Variants in ACAD11 observed in about 807,000 individuals in gnomAD.
ACAD11 encodes acyl-Coenzyme A dehydrogenase family, member 11.
In ACAD11, 83 loss-of-function variants were observed where a neutral mutation model predicts 102.2. The ratio of observed to expected loss-of-function variants is 0.81; its 90% CI spans 0.68 to 0.97. ACAD11 has a LOEUF of 0.97. Ranked by LOEUF, ACAD11 falls within the 50% of genes least tolerant of loss-of-function variation. The pLI is 0.00. For synonymous variants in ACAD11, 324 were observed against 319.8 expected, an observed-to-expected ratio of 1.01 and a Z score of -0.14; for missense variants, 901 against 951.7, an observed-to-expected ratio of 0.95 and a Z score of 0.70.
intron 17 of ACAD11, among the ~76,000 whole-genome samples, chr3:132,564,042 T>C (rs1473615314): frequency 6.6e-6 from 1 of 152,244 alleles, no homozygotes; most frequent in African/African-American, 2.4e-5. Context: ...ATTTTTTTAA[T>C]GTTCATGCAG....
intron 1 of ACAD11, among the ~76,000 whole-genome samples, chr3:132,652,934 C>T (rs1001122): frequency 0.41 from 62,200 of 151,884 alleles, 15,677 homozygotes; most frequent in East Asian, 0.71. Flanking sequence ...TTAAGGTCCA[C>T]CTCAGGTACT....
At chr3:132,565,161 G>A (rs1034396728) in intron 17 of ACAD11, among the ~76,000 whole-genome samples, 1 of 152,178 alleles carries the variant, frequency 6.6e-6, no homozygotes, top group Non-Finnish European at 1.5e-5. Flanking sequence ...ACCAGCAAAG[G>A]CAGGATGGGG....
chr3:132,648,916 A>G (rs1238299397), intron 1 of ACAD11: 1 of 152,290 alleles, frequency 6.6e-6, no homozygotes, highest in African/African-American at 2.4e-5. Flanking sequence ...TTAATCTGTA[A>G]CTTTGCCCCA....
chr3:132,624,859 T>C (rs573724608), intron 9 of ACAD11, among the ~76,000 whole-genome samples: 18 of 151,928 alleles, frequency 1.2e-4, no homozygotes, highest in Admixed American at 1.2e-3. Context: ...AATTTTTGTA[T>C]TTTTAGTAGA....
chr3:132,575,684 A>G, intron 17 of ACAD11, 88 bp downstream of exon 17: 2 of 1,505,992 alleles, frequency 1.3e-6, no homozygotes, highest in South Asian at 1.2e-5. Context: ...TCATGTAGAG[A>G]AAGTCTGTCT....
chr3:132,630,749 A>C (rs909439790), intron 6 of ACAD11, among the ~76,000 whole-genome samples, 191 bp from the exon 7 acceptor site: 5 of 152,212 alleles, frequency 3.3e-5, no homozygotes, highest in African/African-American at 1.2e-4. Context: ...TAAATTACTA[A>C]AAGTGGCATG....
At chr3:132,636,918 G>A (rs1940296334) in intron 5 of ACAD11, among the ~76,000 whole-genome samples, 1 of 152,084 alleles carries the variant, frequency 6.6e-6, no homozygotes, top group Non-Finnish European at 1.5e-5. Context: ...CTGAGAGTGG[G>A]AACCGAGATG....
intron 11 of ACAD11, among the ~76,000 whole-genome samples, chr3:132,610,161 C>G (rs370118835): frequency 1.8e-4 from 28 of 152,156 alleles, no homozygotes; most frequent in African/African-American, 2.9e-4. Context: ...AAACCCACAG[C>G]CAATATCATA....
At chr3:132,599,323 T>A (rs185825289) in intron 13 of ACAD11, among the ~76,000 whole-genome samples, 1 of 151,862 alleles carries the variant, frequency 6.6e-6, no homozygotes, top group Admixed American at 6.6e-5. Flanking sequence ...CTGGCCAACA[T>A]AGTGAAACCC....
intron 11 of ACAD11, among the ~76,000 whole-genome samples, chr3:132,607,426 A>G (rs1315841108): frequency 6.6e-6 from 1 of 152,318 alleles, no homozygotes; most frequent in East Asian, 1.9e-4. Flanking sequence ...AGAGAAGACC[A>G]TAAATGACCT....
chr3:132,648,943 A>T (rs1255832415), intron 1 of ACAD11, among the ~76,000 whole-genome samples: 1 of 152,246 alleles, frequency 6.6e-6, no homozygotes, highest in Admixed American at 6.5e-5. Flanking sequence ...AGCTCACAGA[A>T]ACATGTGTTG....
At chr3:132,615,649 G>A (rs1303808878) in intron 11 of ACAD11, among the ~76,000 whole-genome samples, 1 of 152,144 alleles carries the variant, frequency 6.6e-6, no homozygotes, top group Non-Finnish European at 1.5e-5. Flanking sequence ...ACACAGGGAG[G>A]GGAACATCAC....
intron 16 of ACAD11, among the ~76,000 whole-genome samples, chr3:132,576,485 A>G (rs1937526163): frequency 6.6e-6 from 1 of 152,230 alleles, no homozygotes; most frequent in South Asian, 2.1e-4. Flanking sequence ...CTTCTAACTT[A>G]TATCTAATAC....
At chr3:132,593,856 T>C (rs1439269211) in intron 13 of ACAD11, among the ~76,000 whole-genome samples, 1 of 152,140 alleles carries the variant, frequency 6.6e-6, no homozygotes, top group Non-Finnish European at 1.5e-5. Context: ...AATGGAATCA[T>C]AGTCAGTTCT....
intron 8 of ACAD11, among the ~76,000 whole-genome samples, chr3:132,627,891 C>T (rs893551186): frequency 5.3e-5 from 8 of 152,052 alleles, no homozygotes; most frequent in Admixed American, 2.6e-4. Flanking sequence ...AAAGTGTGTT[C>T]GATGCCTGAA....
intron 9 of ACAD11, among the ~76,000 whole-genome samples, chr3:132,625,373 T>G (rs1359075813): frequency 6.6e-6 from 1 of 152,194 alleles, no homozygotes; most frequent in Non-Finnish European, 1.5e-5. Context: ...ATAAAAAAAC[T>G]TATTATTTAT....
Position 132,639,178 on chromosome 3 carries a change from A to G in ACAD11, c.702+314T>C, listed in dbSNP as rs188436337. On this transcript the variant is annotated intron_variant, in intron 5 of 19. Coordinates refer to ENST00000264990, the MANE Select transcript of ACAD11 (RefSeq NM_032169.5). ...CAGAAAAAACAGCAAGAACATGGAT[A>G]AGCTAAATATTGTAACTAGTAGATG... Among the ~76,000 whole-genome samples the G allele has an allele frequency of 7.1e-3, 1,077 of 152,366 alleles. 9 individuals carry two copies. Among genetic ancestry groups the G allele is most frequent in the Non-Finnish European group, 0.01 (699 of 68,034 alleles).
At chr3:132,646,889 A>G (rs1014041645) in intron 1 of ACAD11, among the ~76,000 whole-genome samples, 8 of 152,202 alleles carry the variant, frequency 5.3e-5, no homozygotes, top group African/African-American at 9.7e-5. Context: ...TGTCCAGGAT[A>G]GGGAAATCCA....
intron 13 of ACAD11, among the ~76,000 whole-genome samples, chr3:132,602,430 C>T (rs1015477673): frequency 2.0e-5 from 3 of 152,084 alleles, no homozygotes; most frequent in South Asian, 2.1e-4. Flanking sequence ...CTACCACTGC[C>T]GATTGACTAA....
Sources: gnomAD v4.1 joint callset for allele counts (sites outside exome capture counted in the v4.1 genomes callset) on GRCh38, gnomAD v4.1.1 for gene constraint, MANE v1.5 for transcripts, NCBI Gene and HGNC (gene_info 2026-07-23, HGNC 2026-07-21) for gene names.